Variants in CEP128 observed in about 807,000 individuals in gnomAD.
CEP128 encodes the protein centrosomal protein 128kDa.
In CEP128, 132 loss-of-function variants were observed where a neutral mutation model predicts 156.7. That is an observed-to-expected ratio of 0.84 (90% confidence interval 0.73 to 0.97). The LOEUF (loss-of-function observed/expected upper bound fraction) is 0.97. Ranked by LOEUF, CEP128 falls within the 50% of genes least tolerant of loss-of-function variation. The pLI is 0.00. For synonymous variants in CEP128, 469 were observed against 448.9 expected (o/e 1.04, Z -0.57); for missense variants, 1,252 against 1,281.9 (o/e 0.98, Z 0.36).
At chr14:80,956,056 C>A in intron 2 of CEP128, 1 of 641,722 alleles carries the variant, frequency 1.6e-6, no homozygotes, top group Non-Finnish European at 2.8e-6. Flanking sequence ...TTGACATCCT[C>A]ATTCCCAACA....
At chr14:80,567,444 A>G (rs1395858977) in intron 20 of CEP128, among the ~76,000 whole-genome samples, 3 of 152,128 alleles carry the variant, frequency 2.0e-5, no homozygotes, top group Non-Finnish European at 4.4e-5. Context: ...GTAGGGTTTT[A>G]TTTAAAATCC....
chr14:80,617,352 T>A (rs1327881620), intron 19 of CEP128, among the ~76,000 whole-genome samples: 1 of 143,294 alleles, frequency 7.0e-6, no homozygotes, highest in Non-Finnish European at 1.5e-5. Flanking sequence ...TGCCTCAGCC[T>A]CCCCAGCAGC....
chr14:80,637,866 C>T (rs113796793), intron 19 of CEP128, among the ~76,000 whole-genome samples: 2 of 152,156 alleles, frequency 1.3e-5, no homozygotes, highest in African/African-American at 4.8e-5. Context: ...AAGAGAGGGG[C>T]GTATGTAGAC....
chr14:80,562,655 CTTTTTT>C (rs1170778718), intron 20 of CEP128, among the ~76,000 whole-genome samples: 1 of 114,384 alleles, frequency 8.7e-6, no homozygotes, highest in Non-Finnish European at 1.9e-5. Flanking sequence ...CTTTTCTTTT[CTTTTTT>C]TTTTTTTTTT....
intron 23 of CEP128, among the ~76,000 whole-genome samples, chr14:80,506,460 G>C (rs1887980281): frequency 7.2e-6 from 1 of 139,640 alleles, no homozygotes; most frequent in South Asian, 2.4e-4. Context: ...AGAATGAATT[G>C]AAGCAGCACA....
At chr14:80,623,115 A>G (rs918380512) in intron 19 of CEP128, among the ~76,000 whole-genome samples, 88 of 152,034 alleles carry the variant, frequency 5.8e-4, no homozygotes, top group African/African-American at 2.1e-3. Context: ...TACACCATGG[A>G]ATACTATGCA....
At chr14:80,938,054 G>A (rs1885915633) in intron 2 of CEP128, among the ~76,000 whole-genome samples, 2 of 151,922 alleles carry the variant, frequency 1.3e-5, no homozygotes, top group East Asian at 3.9e-4. Flanking sequence ...ATGCCACCAT[G>A]CCTGGCTAAT....
chr14:80,667,815 G>A (rs1038041948), intron 19 of CEP128, among the ~76,000 whole-genome samples: 54 of 135,194 alleles, frequency 4.0e-4, no homozygotes, highest in Non-Finnish European at 6.2e-4. Flanking sequence ...CCTAGATTGC[G>A]CCACTGCACT....
intron 19 of CEP128, among the ~76,000 whole-genome samples, chr14:80,689,970 G>A (rs1263587329): frequency 6.6e-6 from 1 of 152,054 alleles, no homozygotes; most frequent in South Asian, 2.1e-4. Flanking sequence ...TAAATAAGTA[G>A]ATCTGTGAGT....
chr14:80,576,887 T>G (rs897350146), intron 20 of CEP128, among the ~76,000 whole-genome samples: 3 of 152,150 alleles, frequency 2.0e-5, no homozygotes, highest in African/African-American at 7.2e-5. Context: ...GATGAGGCAC[T>G]GTGCTAAGTA....
chr14:80,529,721 C>T (rs117863573), intron 22 of CEP128, among the ~76,000 whole-genome samples: 64 of 152,224 alleles, frequency 4.2e-4, no homozygotes, highest in Non-Finnish European at 8.5e-4. Context: ...ACAGAAATTG[C>T]ACTGTTTTGG....
At chr14:80,946,735 C>A (rs1176183338), upstream of CEP128, among the ~76,000 whole-genome samples, 1 of 152,072 alleles carries the variant, frequency 6.6e-6, no homozygotes, top group African/African-American at 2.4e-5. Context: ...GGAGAAGGGA[C>A]AGAAGTTGTA....
chr14:80,938,392 G>A (rs902895135), intron 2 of CEP128, among the ~76,000 whole-genome samples: 5 of 151,624 alleles, frequency 3.3e-5, no homozygotes, highest in South Asian at 2.1e-4. Context: ...GACTACAGGC[G>A]CCTGCCACCA....
At chr14:80,859,608 A>G (rs1318997211) in intron 9 of CEP128, among the ~76,000 whole-genome samples, 2 of 152,176 alleles carry the variant, frequency 1.3e-5, no homozygotes, top group African/African-American at 4.8e-5. Context: ...TGTGACTTCA[A>G]TAGCACATGA....
At chr14:80,941,536 G>C (rs946492554) in intron 1 of CEP128, 45 bp downstream of exon 1, 1 of 152,710 alleles carries the variant, frequency 6.5e-6, no homozygotes, top group African/African-American at 2.4e-5. Flanking sequence ...ACAGTAAGAC[G>C]GGGAAGTGGT....
chr14:80,943,315 T>C (rs944764481), upstream of CEP128, among the ~76,000 whole-genome samples: 1 of 152,212 alleles, frequency 6.6e-6, no homozygotes, highest in African/African-American at 2.4e-5. Context: ...CTCTGTGTAA[T>C]AGAATACTGC....
intron 9 of CEP128, among the ~76,000 whole-genome samples, chr14:80,851,036 G>A (rs1308442882): frequency 6.6e-6 from 1 of 152,138 alleles, no homozygotes; most frequent in South Asian, 2.1e-4. Flanking sequence ...CTTCAGGAAT[G>A]AGAGCAGTAG....
At chr14:80,909,700 G>T (rs933099998) in intron 4 of CEP128, among the ~76,000 whole-genome samples, 1 of 151,756 alleles carries the variant, frequency 6.6e-6, no homozygotes, top group Non-Finnish European at 1.5e-5. Flanking sequence ...AAATGTAATA[G>T]AATTAAAATC....
chr14:80,491,006 A>G (rs7143355), intron 6 of CEP128, among the ~76,000 whole-genome samples: 41,623 of 152,106 alleles, frequency 0.27, 6,553 homozygotes, highest in Admixed American at 0.38. Flanking sequence ...CCCAGATAAT[A>G]CTGCTGCTGC....
Sources: allele counts gnomAD v4.1 joint callset (sites outside exome capture counted in the v4.1 genomes callset), GRCh38; gene constraint gnomAD v4.1.1; transcripts MANE v1.5; gene names NCBI Gene and HGNC (gene_info 2026-07-23, HGNC 2026-07-21).